The following EPS15L1 variants were observed in gnomAD, a reference collection of about 807,000 sequenced individuals.
EPS15L1 encodes epidermal growth factor receptor pathway substrate 15 like 1, also known as epidermal growth factor receptor substrate 15-like 1.
In EPS15L1, 43 loss-of-function variants were observed where a neutral mutation model predicts 117.1. The ratio of observed to expected loss-of-function variants is 0.37; its 90% CI spans 0.29 to 0.47. The LOEUF is 0.47. Ranked by LOEUF, EPS15L1 falls within the 20% of genes least tolerant of loss-of-function variation. EPS15L1 has a pLI of 0.99. For synonymous variants in EPS15L1, 459 were observed against 470.5 expected (o/e 0.98, Z 0.32); for missense variants, 981 against 1,164.0 (o/e 0.84, Z 2.29).
chr19:16,446,578 A>C (rs2093085322), intron 1 of EPS15L1, among the ~76,000 whole-genome samples: 1 of 152,134 alleles, frequency 6.6e-6, no homozygotes, highest in Admixed American at 6.5e-5. Context: ...GGGGAAACTG[A>C]GTTTGCCCTA....
chr19:16,452,633 GAA>G (rs58224667), intron 1 of EPS15L1, among the ~76,000 whole-genome samples: 4,977 of 87,932 alleles, frequency 0.057, 181 homozygotes, highest in African/African-American at 0.12. Flanking sequence ...AATGTCATCT[GAA>G]AAAAAAAAAA....
intron 1 of EPS15L1, among the ~76,000 whole-genome samples, chr19:16,443,283 C>T (rs905110829): frequency 1.3e-5 from 2 of 152,152 alleles, no homozygotes; most frequent in African/African-American, 4.8e-5. Context: ...TCTGGGACTG[C>T]TGTTGTACGA....
intron 20 of EPS15L1, 60 bp from the exon 21 acceptor site, chr19:16,385,271 G>A (rs926009598): frequency 4.2e-6 from 6 of 1,424,914 alleles, no homozygotes; most frequent in Non-Finnish European, 5.0e-6. Flanking sequence ...GCCTTCTGGG[G>A]TGGAGGGGAA....
At chr19:16,448,347 A>G (rs1326371196) in intron 1 of EPS15L1, among the ~76,000 whole-genome samples, 2 of 151,696 alleles carry the variant, frequency 1.3e-5, no homozygotes, top group African/African-American at 4.8e-5. Context: ...TCTGACCTAC[A>G]TGGAGAAACC....
chr19:16,392,536 T>A, intron 18 of EPS15L1, 96 bp from the exon 19 acceptor site: 1 of 1,254,698 alleles, frequency 8.0e-7, no homozygotes, highest in Non-Finnish European at 1.1e-6. Context: ...TTACATGAAA[T>A]TCTAGAAAGG....
intron 22 of EPS15L1, among the ~76,000 whole-genome samples, chr19:16,362,278 G>A (rs2092066032): frequency 6.6e-6 from 1 of 151,550 alleles, no homozygotes; most frequent in Non-Finnish European, 1.5e-5. Context: ...ATGCAGGTAC[G>A]TTTCAAACAG....
At chr19:16,466,139 C>A (rs1296822863) in intron 1 of EPS15L1, among the ~76,000 whole-genome samples, 1 of 152,086 alleles carries the variant, frequency 6.6e-6, no homozygotes, top group Non-Finnish European at 1.5e-5. Flanking sequence ...CAGGCATGTG[C>A]CACCACGCCT....
At chr19:16,376,107 C>T (rs151135043) in intron 22 of EPS15L1, among the ~76,000 whole-genome samples, 2 of 152,232 alleles carry the variant, frequency 1.3e-5, no homozygotes, top group Non-Finnish European at 1.5e-5. Flanking sequence ...ATGGAAAGGG[C>T]TCGGGGGCAT....
intron 13 of EPS15L1, among the ~76,000 whole-genome samples, chr19:16,411,382 C>G (rs1215219400): frequency 6.6e-6 from 1 of 152,182 alleles, no homozygotes; most frequent in Non-Finnish European, 1.5e-5. Context: ...CTTCCACTCA[C>G]TGAAAGAGAA....
intron 22 of EPS15L1, among the ~76,000 whole-genome samples, chr19:16,367,567 C>A (rs1231357252): frequency 2.2e-5 from 3 of 137,490 alleles, no homozygotes; most frequent in African/African-American, 8.0e-5. Flanking sequence ...TTCTTTAATT[C>A]TCCTATTTCT....
At chr19:16,391,746 T>C (rs1309408927) in intron 19 of EPS15L1, among the ~76,000 whole-genome samples, 1 of 150,622 alleles carries the variant, frequency 6.6e-6, no homozygotes, top group Admixed American at 6.6e-5. Context: ...TATGCTGGAG[T>C]TGGAAACTGG....
At chr19:16,445,449 G>A (rs1332869226) in intron 1 of EPS15L1, among the ~76,000 whole-genome samples, 1 of 152,212 alleles carries the variant, frequency 6.6e-6, no homozygotes, top group African/African-American at 2.4e-5. Context: ...TTTTGCATAT[G>A]CAAAAGCAGA....
intron 21 of EPS15L1, 119 bp from the exon 22 acceptor site, chr19:16,377,373 G>A (rs894013531): frequency 8.1e-6 from 9 of 1,105,658 alleles, no homozygotes; most frequent in Non-Finnish European, 1.0e-5. Flanking sequence ...CCTCTGGACT[G>A]CACAACATGG....
chr19:16,389,992 C>A (rs983242777), intron 19 of EPS15L1, among the ~76,000 whole-genome samples: 5 of 151,640 alleles, frequency 3.3e-5, no homozygotes, highest in Non-Finnish European at 7.4e-5. Context: ...AAAAAGCAAG[C>A]AAATAATAAA....
chr19:16,466,003 T>G (rs1338402908), intron 1 of EPS15L1, among the ~76,000 whole-genome samples: 1 of 150,756 alleles, frequency 6.6e-6, no homozygotes, highest in Admixed American at 6.6e-5. Context: ...TTTTTTTTTT[T>G]TTTGAGACAG....
At chr19:16,358,698 C>T (rs1343530387) in intron 23 of EPS15L1, among the ~76,000 whole-genome samples, 1 of 152,246 alleles carries the variant, frequency 6.6e-6, no homozygotes, top group Non-Finnish European at 1.5e-5. Flanking sequence ...GCGCCCGGCA[C>T]CTGTCCTCAC....
intron 7 of EPS15L1, 144 bp downstream of exon 7, chr19:16,434,221 C>T: frequency 8.9e-7 from 1 of 1,125,754 alleles, no homozygotes; most frequent in Non-Finnish European, 1.3e-6. Context: ...GGGCTGGACC[C>T]ACAGGAGCGC....
At chr19:16,456,605 C>T (rs2093198983) in intron 1 of EPS15L1, among the ~76,000 whole-genome samples, 1 of 152,018 alleles carries the variant, frequency 6.6e-6, no homozygotes, top group African/African-American at 2.4e-5. Context: ...TTGCAGTGAG[C>T]CAAGATGATG....
chr19:16,421,892 C>T (rs934066399), intron 9 of EPS15L1, among the ~76,000 whole-genome samples: 7 of 152,188 alleles, frequency 4.6e-5, no homozygotes, highest in Non-Finnish European at 8.8e-5. Context: ...CCTCCCACTC[C>T]TCAGCCCGCA....
Sources: allele counts gnomAD v4.1 joint callset (sites outside exome capture counted in the v4.1 genomes callset), GRCh38; gene constraint gnomAD v4.1.1; transcripts MANE v1.5; gene names NCBI Gene and HGNC (gene_info 2026-07-23, HGNC 2026-07-21).